Variants in SEMA4D observed in about 807,000 individuals in gnomAD.
The protein encoded by SEMA4D is semaphorin 4D.
In SEMA4D, 22 loss-of-function variants were observed where a neutral mutation model predicts 74.8. The ratio of observed to expected loss-of-function variants is 0.29; its 90% CI spans 0.21 to 0.42. The LOEUF (loss-of-function observed/expected upper bound fraction) is 0.42, where lower values mean the gene tolerates loss of function less well. Among genes scored for constraint, SEMA4D ranks in the 10% least tolerant of loss-of-function variants. The pLI, the probability that SEMA4D is intolerant of heterozygous loss-of-function variation, is 1.00. For missense variants in SEMA4D, 937 were observed against 1,118.4 expected (o/e 0.84, Z 2.31); for synonymous variants, 445 against 463.7 (o/e 0.96, Z 0.52).
intron 2 of SEMA4D, among the ~76,000 whole-genome samples, chr9:89,421,085 T>A (rs1169667430): frequency 1.3e-5 from 2 of 152,234 alleles, no homozygotes; most frequent in Non-Finnish European, 2.9e-5. Flanking sequence ...AGCCTCCTCC[T>A]GCACACACGG....
chr9:89,454,423 C>CCA (rs1412759254), intron 2 of SEMA4D, among the ~76,000 whole-genome samples: 1 of 152,182 alleles, frequency 6.6e-6, no homozygotes, highest in African/African-American at 2.4e-5. Flanking sequence ...CAGCCCCCCC[C>CCA]AGATTTTCAC....
intron 1 of SEMA4D, among the ~76,000 whole-genome samples, chr9:89,478,923 G>A (rs950579461): frequency 2.9e-4 from 44 of 152,254 alleles, no homozygotes; most frequent in African/African-American, 1.0e-3. Flanking sequence ...GCCTCAGCGG[G>A]CCCCAGCTTC....
chr9:89,430,709 G>A (rs1042157913), intron 2 of SEMA4D, among the ~76,000 whole-genome samples: 3 of 152,262 alleles, frequency 2.0e-5, no homozygotes, highest in Non-Finnish European at 4.4e-5. Flanking sequence ...GAGCGTGGTG[G>A]CCCAAGCCTG....
At chr9:89,420,604 T>G (rs1846719132) in intron 2 of SEMA4D, among the ~76,000 whole-genome samples, 1 of 152,214 alleles carries the variant, frequency 6.6e-6, no homozygotes, top group South Asian at 2.1e-4. Flanking sequence ...GGCAGCGCCT[T>G]CATCTGGCCT....
rs145681469 is a variant in SEMA4D, at chr9:89,384,795, G to A, written c.1446+1572C>T. 4,038 of 985,396 alleles carry A rather than the reference G, an allele frequency of 4.1e-3. 12 individuals are homozygous for A. The highest frequency in any genetic ancestry group is 4.6e-3 in the Non-Finnish European group (3,800 of 829,918). The allele number at this position is 985,396 out of a possible 1,614,324, so 61.0% of individuals were successfully genotyped here. On this transcript the variant is annotated intron_variant, in intron 13 of 15. Coordinates refer to ENST00000422704, the MANE Select transcript of SEMA4D (RefSeq NM_001371194.2). The stretch of plus-strand genomic sequence containing the variant: ...TCCATTTGCTGATCACCGTGAGAGA[G>A]CCTGATGGGGTCAGGCGGCACAGTC...
At chr9:89,384,802 G>A (rs1270839560) in intron 13 of SEMA4D, 1 of 985,276 alleles carries the variant, frequency 1.0e-6, no homozygotes, top group Non-Finnish European at 1.2e-6. Context: ...AGAGCCTGAT[G>A]GGGTCAGGCG....
rs1674619080 is a variant in SEMA4D, at chr9:89,442,179, T to G, written c.-244+13709A>C. On this transcript the variant is annotated intron_variant, in intron 2 of 15. Coordinates refer to ENST00000422704, the MANE Select transcript of SEMA4D (RefSeq NM_001371194.2). ...CACATCTTCAGGCCAGAGACATGGT[T>G]TGCTGCGCCGTACGGCCCAGGTCAA... 4.4e-5 allele frequency among the ~76,000 whole-genome samples: 6 copies of G among 135,784 alleles called. No individual in the cohort carries two copies. The East Asian group carries it at 1.6e-3, about 36-fold the overall frequency. The allele number at this position is 135,784 out of a possible 152,430, so 89.1% of individuals were successfully genotyped here.
intron 15 of SEMA4D, among the ~76,000 whole-genome samples, 160 bp downstream of exon 15, chr9:89,380,895 G>C (rs1048527857): frequency 2.0e-5 from 3 of 152,228 alleles, no homozygotes; most frequent in Admixed American, 2.0e-4. Context: ...AAGAAAAAAA[G>C]ACAGAGAAGA....
intron 1 of SEMA4D, among the ~76,000 whole-genome samples, chr9:89,489,054 T>C (rs1430503155): frequency 1.3e-5 from 2 of 152,174 alleles, no homozygotes; most frequent in Admixed American, 6.5e-5. Context: ...CAACTAAAAC[T>C]GCACAGATAC....
intron 1 of SEMA4D, chr9:89,472,185 A>C: frequency 5.4e-6 from 1 of 186,564 alleles, no homozygotes; most frequent in South Asian, 9.2e-5. Flanking sequence ...CTGAAAAGTA[A>C]GTAAAACACA....
intron 2 of SEMA4D, among the ~76,000 whole-genome samples, chr9:89,413,931 T>C (rs1263744268): frequency 2.6e-5 from 4 of 152,242 alleles, no homozygotes; most frequent in Non-Finnish European, 5.9e-5. Context: ...TGTGCATGTG[T>C]CACTCTGTTG....
At chr9:89,480,440 C>T (rs1244726802) in intron 1 of SEMA4D, among the ~76,000 whole-genome samples, 2 of 152,234 alleles carry the variant, frequency 1.3e-5, no homozygotes, top group Non-Finnish European at 2.9e-5. Flanking sequence ...CTTGGGTGGT[C>T]GATGGGACTG....
chr9:89,457,061 C>T (rs1368734950), intron 1 of SEMA4D, among the ~76,000 whole-genome samples: 3 of 152,174 alleles, frequency 2.0e-5, no homozygotes, highest in South Asian at 2.1e-4. Flanking sequence ...GGCACAGAGC[C>T]GCAAATGGCA....
chr9:89,383,850 T>G (rs1308964409), intron 13 of SEMA4D, among the ~76,000 whole-genome samples: 1 of 152,298 alleles, frequency 6.6e-6, no homozygotes. Context: ...GCCTGTCCTG[T>G]GCACTCCTGC....
chr9:89,383,064 G>A (rs1837532442), intron 13 of SEMA4D, among the ~76,000 whole-genome samples: 1 of 152,254 alleles, frequency 6.6e-6, no homozygotes, highest in Non-Finnish European at 1.5e-5. Context: ...AGGGATGACT[G>A]TGGAAGGGAA....
intron 1 of SEMA4D, among the ~76,000 whole-genome samples, chr9:89,490,459 G>A (rs951134288): frequency 7.2e-5 from 11 of 152,160 alleles, no homozygotes; most frequent in Admixed American, 2.0e-4. Flanking sequence ...CAGTAGAAAC[G>A]GTACTGCGAG....
At chr9:89,476,017 T>C (rs569785205) in intron 1 of SEMA4D, among the ~76,000 whole-genome samples, 1 of 152,076 alleles carries the variant, frequency 6.6e-6, no homozygotes, top group Non-Finnish European at 1.5e-5. Flanking sequence ...GGGCCAGTGG[T>C]GACCGGAATG....
intron 3 of SEMA4D, among the ~76,000 whole-genome samples, chr9:89,404,135 G>A (rs2133692128): frequency 6.6e-6 from 1 of 152,204 alleles, no homozygotes; most frequent in East Asian, 1.9e-4. Context: ...CGGGTCCCCA[G>A]ACACATCCTC....
intron 1 of SEMA4D, among the ~76,000 whole-genome samples, chr9:89,461,193 C>T (rs1050525937): frequency 1.3e-5 from 2 of 152,102 alleles, no homozygotes; most frequent in African/African-American, 2.4e-5. Context: ...AAAATAATTA[C>T]AAGGCTTAAG....
Sources: allele counts gnomAD v4.1 joint callset (sites outside exome capture counted in the v4.1 genomes callset), GRCh38; gene constraint gnomAD v4.1.1; transcripts MANE v1.5; gene names NCBI Gene and HGNC (gene_info 2026-07-23, HGNC 2026-07-21).